The following ASIC2 variants were observed in gnomAD, a reference collection of about 807,000 sequenced individuals.
ASIC2 encodes the protein acid-sensing ion channel 2.
ASIC2 carries 25 observed loss-of-function variants against 57.3 expected under a neutral mutation model. That is an observed-to-expected ratio of 0.44 (90% CI 0.32 to 0.61). The LOEUF (loss-of-function observed/expected upper bound fraction) is 0.61. Ranked by LOEUF, ASIC2 falls within the 20% of genes least tolerant of loss-of-function variation. ASIC2 has a pLI of 0.06. For synonymous variants in ASIC2, 319 were observed against 307.5 expected (o/e 1.04, Z -0.39); for missense variants, 641 against 738.1 (o/e 0.87, Z 1.52).
chr17:33,827,610 C>T (rs1241474758), intron 1 of ASIC2: 1 of 151,348 alleles, frequency 6.6e-6, no homozygotes, highest in East Asian at 1.9e-4. Flanking sequence ...TCCCAAAGTG[C>T]TGGGATTACA....
chr17:34,035,834 T>C (rs964022931), intron 1 of ASIC2, among the ~76,000 whole-genome samples: 96 of 152,166 alleles, frequency 6.3e-4, no homozygotes, highest in Non-Finnish European at 1.0e-3. Flanking sequence ...CACAATGAGA[T>C]ACCATCTCAC....
intron 1 of ASIC2, among the ~76,000 whole-genome samples, chr17:33,643,195 A>C (rs1359805029): frequency 4.6e-5 from 7 of 151,384 alleles, no homozygotes; most frequent in African/African-American, 1.7e-4. Flanking sequence ...ATGTTTTACA[A>C]ATTATGACAT....
At chr17:33,901,065 G>A (rs140446263) in intron 1 of ASIC2, among the ~76,000 whole-genome samples, 1 of 152,214 alleles carries the variant, frequency 6.6e-6, no homozygotes, top group East Asian at 1.9e-4. Context: ...ATCCTTTGCA[G>A]GTGTCCTACT....
chr17:33,743,602 T>C (rs1262470555), intron 1 of ASIC2, among the ~76,000 whole-genome samples: 1 of 152,252 alleles, frequency 6.6e-6, no homozygotes, highest in South Asian at 2.1e-4. Context: ...TGACCAGTTA[T>C]GGCCTAAATA....
intron 1 of ASIC2, among the ~76,000 whole-genome samples, chr17:33,309,258 C>G (rs1288281301): frequency 6.6e-6 from 1 of 152,166 alleles, no homozygotes; most frequent in East Asian, 1.9e-4. Context: ...TGTCTGCAGA[C>G]ACACATCTCT....
intron 1 of ASIC2, among the ~76,000 whole-genome samples, chr17:33,331,790 C>T (rs997607411): frequency 7.2e-5 from 11 of 152,278 alleles, no homozygotes; most frequent in South Asian, 4.2e-4. Flanking sequence ...CCCTATTCTA[C>T]GATGAGAAAA....
At chr17:33,850,624 T>C (rs1316914204) in intron 1 of ASIC2, among the ~76,000 whole-genome samples, 2 of 152,174 alleles carry the variant, frequency 1.3e-5, no homozygotes, top group Non-Finnish European at 2.9e-5. Context: ...ATGGTATGTT[T>C]CCTCTGGGCT....
At chr17:33,412,613 T>C (rs1316650296) in intron 1 of ASIC2, among the ~76,000 whole-genome samples, 1 of 152,206 alleles carries the variant, frequency 6.6e-6, no homozygotes, top group Non-Finnish European at 1.5e-5. Flanking sequence ...ATAGTCATGA[T>C]GAGGCAAATG....
At chr17:33,620,765 C>A (rs1400987670) in intron 1 of ASIC2, among the ~76,000 whole-genome samples, 3 of 152,116 alleles carry the variant, frequency 2.0e-5, no homozygotes, top group Non-Finnish European at 2.9e-5. Context: ...CTGTAATGCT[C>A]AGTAAAACTA....
At chr17:33,119,992 C>T (rs1279127166) in intron 1 of ASIC2, among the ~76,000 whole-genome samples, 1 of 152,190 alleles carries the variant, frequency 6.6e-6, no homozygotes, top group African/African-American at 2.4e-5. Context: ...TGTTAAGGCT[C>T]ACAAAGCTCT....
At chr17:34,072,401 A>G (rs1169379772) in intron 1 of ASIC2, 2 of 152,178 alleles carry the variant, frequency 1.3e-5, no homozygotes, top group Admixed American at 1.3e-4. Flanking sequence ...GTATTTCCCC[A>G]TATTTTATAG....
chr17:33,731,974 GA>G (rs1022879093), intron 1 of ASIC2, among the ~76,000 whole-genome samples: 20 of 152,080 alleles, frequency 1.3e-4, no homozygotes, highest in Non-Finnish European at 2.4e-4. Context: ...TAAAATCAAA[GA>G]AAAAAATGAT....
chr17:33,168,016 C>T (rs1905368233), intron 1 of ASIC2, among the ~76,000 whole-genome samples: 1 of 152,170 alleles, frequency 6.6e-6, no homozygotes, highest in Non-Finnish European at 1.5e-5. Flanking sequence ...GCAATAATGC[C>T]AATATTGCAG....
At chr17:34,030,536 G>A (rs570888897) in intron 1 of ASIC2, among the ~76,000 whole-genome samples, 43 of 152,330 alleles carry the variant, frequency 2.8e-4, no homozygotes, top group African/African-American at 1.0e-3. Flanking sequence ...TGCACCGTGC[G>A]CGAGCTGAAG....
chr17:33,973,079 GA>G (rs1905268145), intron 1 of ASIC2, among the ~76,000 whole-genome samples: 1 of 152,266 alleles, frequency 6.6e-6, no homozygotes, highest in Admixed American at 6.5e-5. Context: ...GGGATGATCT[GA>G]ATCTCTGCAT....
chr17:33,414,879 A>T (rs866307035), intron 1 of ASIC2, among the ~76,000 whole-genome samples: 2 of 152,174 alleles, frequency 1.3e-5, no homozygotes, highest in Non-Finnish European at 2.9e-5. Context: ...CCGCTTCTCC[A>T]TGGCTCCTCT....
intron 1 of ASIC2, among the ~76,000 whole-genome samples, chr17:33,325,594 G>C (rs913014575): frequency 1.3e-5 from 2 of 152,178 alleles, no homozygotes; most frequent in Non-Finnish European, 2.9e-5. Context: ...GACTTAGAAA[G>C]TGATTTTAGG....
At chr17:33,680,019 G>C (rs1461230524) in intron 1 of ASIC2, among the ~76,000 whole-genome samples, 5 of 151,960 alleles carry the variant, frequency 3.3e-5, no homozygotes, top group Non-Finnish European at 7.4e-5. Context: ...ATACTGGGGG[G>C]TACTGGGATA....
intron 1 of ASIC2, among the ~76,000 whole-genome samples, chr17:34,026,460 C>T (rs147114276): frequency 1.3e-5 from 2 of 152,264 alleles, no homozygotes; most frequent in African/African-American, 4.8e-5. Flanking sequence ...GAGTTTCATT[C>T]CTAAAGTGAC....
Sources: allele counts gnomAD v4.1 joint callset (sites outside exome capture counted in the v4.1 genomes callset), GRCh38; gene constraint gnomAD v4.1.1; transcripts MANE v1.5; gene names NCBI Gene and HGNC (gene_info 2026-07-23, HGNC 2026-07-21).